The following RPS6KA2 variants were observed in gnomAD, a reference collection of about 807,000 sequenced individuals.
RPS6KA2 encodes ribosomal protein S6 kinase A2.
Under a neutral mutation model 91.8 loss-of-function variants are expected in RPS6KA2, and 42 were observed. The observed-to-expected ratio is 0.46, with a 90% CI of 0.36 to 0.59. RPS6KA2 has a LOEUF of 0.59. RPS6KA2 is among the 20% of genes least tolerant of loss of function. The pLI, the probability that RPS6KA2 is intolerant of heterozygous loss-of-function variation, is 0.00. For synonymous variants in RPS6KA2, 414 were observed against 393.6 expected (o/e 1.05, Z -0.61); for missense variants, 798 against 978.5 (o/e 0.82, Z 2.46).
intron 11 of RPS6KA2, among the ~76,000 whole-genome samples, chr6:166,462,006 C>T (rs1780328315): frequency 6.6e-6 from 1 of 152,242 alleles, no homozygotes. Flanking sequence ...GCTGCAGGCT[C>T]CCAAGGGGTG....
intron 2 of RPS6KA2, among the ~76,000 whole-genome samples, chr6:166,816,091 T>G (rs1386329851): frequency 6.6e-6 from 1 of 152,150 alleles, no homozygotes; most frequent in Non-Finnish European, 1.5e-5. Context: ...TCATCAAGAT[T>G]CTAAAAAGCA....
chr6:166,607,137 C>T (rs1205969721), intron 1 of RPS6KA2, among the ~76,000 whole-genome samples: 2 of 114,378 alleles, frequency 1.7e-5, no homozygotes, highest in African/African-American at 7.2e-5. Context: ...AGGAAAACTC[C>T]GTCAAAAAAA....
intron 10 of RPS6KA2, among the ~76,000 whole-genome samples, chr6:166,476,754 G>C (rs1780989423): frequency 6.6e-6 from 1 of 152,124 alleles, no homozygotes. Flanking sequence ...AGGCAATGAA[G>C]ACGCATTTGC....
At position 166,848,232 on chromosome 6, in the gene RPS6KA2, C is replaced by T. The variant is rs139678489; in HGVS notation, c.123+9968G>A. 2.2e-3 allele frequency among the ~76,000 whole-genome samples: 342 copies of T among 152,180 alleles called. 5 individuals are homozygous for T. Among genetic ancestry groups the T allele is most frequent in the African/African-American group, 7.6e-3 (315 of 41,522 alleles). ...ATATCATCTCACTCCTGCAATAATG[C>T]CCATAATTTAAAAAATCAAAAAATA... On this transcript the variant is annotated intron_variant, in intron 2 of 21. Transcript: ENST00000503859.
chr6:166,786,557 A>T (rs1406327939), intron 2 of RPS6KA2, among the ~76,000 whole-genome samples: 1 of 152,216 alleles, frequency 6.6e-6, no homozygotes, highest in Non-Finnish European at 1.5e-5. Flanking sequence ...TGGAAGGAAG[A>T]ATGTAAAAGT....
At chr6:166,485,648 G>A (rs1781381934) in intron 10 of RPS6KA2, among the ~76,000 whole-genome samples, 1 of 152,180 alleles carries the variant, frequency 6.6e-6, no homozygotes, top group Non-Finnish European at 1.5e-5. Flanking sequence ...TTCTCAACTT[G>A]CATCTGTCTC....
chr6:166,812,058 GGA>G (rs1435577141), intron 2 of RPS6KA2, among the ~76,000 whole-genome samples: 1 of 152,112 alleles, frequency 6.6e-6, no homozygotes, highest in African/African-American at 2.4e-5. Context: ...GAAAACGAGT[GGA>G]TGAAAGCAAG....
intron 2 of RPS6KA2, among the ~76,000 whole-genome samples, chr6:166,848,213 T>C (rs1025837118): frequency 6.6e-6 from 1 of 152,164 alleles, no homozygotes; most frequent in African/African-American, 2.4e-5. Context: ...TGCAATATCA[T>C]CTCACTCCTG....
In RPS6KA2 at chr6:166,448,919, A is replaced by C; in HGVS notation, c.1207-70T>G. 6.3e-7 allele frequency: 1 copy of C among 1,581,074 alleles called. No individual in the cohort carries two copies. The highest frequency in any genetic ancestry group is 8.6e-7 in the Non-Finnish European group (1 of 1,156,848). On this transcript the variant is annotated intron_variant, in intron 13 of 20. Transcript: ENST00000265678. This position sits in a 1 kb window ranked among gnomAD's most constrained non-coding sequence, Gnocchi z 4.7. ...GAGGGGACGGTGCAGCTACACGCAC[A>C]CAGAATGTGGGGCGAAGAGAGGCAC...
At position 166,590,775 on chromosome 6, in the gene RPS6KA2, C is replaced by G. The variant is rs1191146944; in HGVS notation, c.99+36146G>C. Among the ~76,000 whole-genome samples, 5 of 152,132 alleles carry G rather than the reference C, an allele frequency of 3.3e-5. No individual in the cohort carries two copies. In the South Asian group the frequency reaches 8.3e-4, roughly 25 times the overall value. On this transcript the variant is annotated intron_variant, in intron 1 of 20. Transcript: ENST00000265678. ...TTTTAAAAAATTAAAAAAAAAACCT[C>G]ATTGAGGCAGTGAGTATAATCAACA...
intron 8 of RPS6KA2, among the ~76,000 whole-genome samples, chr6:166,496,044 G>A (rs908749618): frequency 1.3e-4 from 20 of 151,918 alleles, no homozygotes; most frequent in African/African-American, 4.4e-4. Flanking sequence ...TTGTCTTTTC[G>A]GTTTGCAGTG....
At chr6:166,671,349 C>A (rs1335838415) in intron 2 of RPS6KA2, among the ~76,000 whole-genome samples, 1 of 152,278 alleles carries the variant, frequency 6.6e-6, no homozygotes, top group East Asian at 1.9e-4. Flanking sequence ...GACACGCCAA[C>A]CTGTGGCTGC....
In RPS6KA2 at chr6:166,767,589, C is replaced by T. The variant is rs9459740; in HGVS notation, c.123+90611G>A. 0.016 allele frequency among the ~76,000 whole-genome samples: 2,446 copies of T among 152,280 alleles called. 75 individuals are homozygous for T. The highest frequency in any genetic ancestry group is 0.055 in the African/African-American group (2,296 of 41,540). ...CTCAAAGGGACCCAGGAAGGGTGAA[C>T]ATTCGGCCAGAATGTGTTGAGCGTC... On this transcript the variant is annotated intron_variant, in intron 2 of 21. Transcript: ENST00000503859. This position sits in a 1 kb window ranked among gnomAD's most constrained non-coding sequence, Gnocchi z 4.6.
intron 1 of RPS6KA2, among the ~76,000 whole-genome samples, chr6:166,595,009 T>G (rs1053163451): frequency 6.6e-6 from 1 of 152,182 alleles, no homozygotes; most frequent in African/African-American, 2.4e-5. Flanking sequence ...TTCTTGGTCT[T>G]GGTTTTCTCA....
intron 19 of RPS6KA2, among the ~76,000 whole-genome samples, chr6:166,414,764 A>G (rs762214637): frequency 1.1e-4 from 16 of 152,236 alleles, no homozygotes; most frequent in Non-Finnish European, 2.1e-4. Context: ...TGAAGAGGTA[A>G]TAAAATGAAT....
chr6:166,535,714 A>T (rs576131877), intron 2 of RPS6KA2, among the ~76,000 whole-genome samples: 37 of 152,332 alleles, frequency 2.4e-4, no homozygotes, highest in Middle Eastern at 3.4e-3. Context: ...AACACTGAAC[A>T]AGCTTCACCA....
At chr6:166,748,519 G>A (rs1791098795) in intron 2 of RPS6KA2, among the ~76,000 whole-genome samples, 1 of 151,712 alleles carries the variant, frequency 6.6e-6, no homozygotes, top group Non-Finnish European at 1.5e-5. Flanking sequence ...CCTCCATGGG[G>A]GCCCCACCTC....
Position 166,798,036 on chromosome 6 carries a change from G to A in RPS6KA2, c.123+60164C>T, listed in dbSNP as rs895556397. On this transcript the variant is annotated intron_variant, in intron 2 of 21. Coordinates refer to the RPS6KA2 transcript ENST00000503859. ...CACCCGAATCATCGATGTCACTACC[G>A]TTGGTTGGTCAGGTAGGCCATGAGA... Among the ~76,000 whole-genome samples the A allele has an allele frequency of 4.6e-5, 7 of 152,324 alleles. No homozygotes were observed. In the East Asian group the frequency reaches 1.2e-3, roughly 25 times the overall value.
intron 10 of RPS6KA2, among the ~76,000 whole-genome samples, chr6:166,485,997 G>T (rs1044292073): frequency 6.6e-6 from 1 of 152,218 alleles, no homozygotes; most frequent in Non-Finnish European, 1.5e-5. Context: ...CTGTGTAACC[G>T]TGGGTGTGCA....
Sources: allele counts gnomAD v4.1 joint callset (sites outside exome capture counted in the v4.1 genomes callset), GRCh38; gene constraint gnomAD v4.1.1; non-coding constraint Gnocchi (gnomAD v3.1); transcripts MANE v1.5; gene names NCBI Gene and HGNC (gene_info 2026-07-23, HGNC 2026-07-21).